SCAPER: variants seen among roughly 807,000 people sequenced by gnomAD.
SCAPER encodes S-phase cyclin A associated protein in the ER.
In SCAPER, 98 loss-of-function variants were observed where a neutral mutation model predicts 182.2. The ratio of observed to expected loss-of-function variants is 0.54; its 90% CI spans 0.46 to 0.64. The LOEUF (loss-of-function observed/expected upper bound fraction) is 0.64. SCAPER is among the 30% of genes least tolerant of loss of function. The pLI, the probability that SCAPER is intolerant of heterozygous loss-of-function variation, is 0.00. For missense variants in SCAPER, 1,432 were observed against 1,690.0 expected, an observed-to-expected ratio of 0.85 and a Z score of 2.68; for synonymous variants, 605 against 564.6, an observed-to-expected ratio of 1.07 and a Z score of -1.01.
intron 5 of SCAPER, among the ~76,000 whole-genome samples, chr15:76,819,562 C>A (rs2067354630): frequency 6.6e-6 from 1 of 152,190 alleles, no homozygotes; most frequent in Admixed American, 6.5e-5. Context: ...ACAGAAAGGA[C>A]ATCCACATCA....
intron 20 of SCAPER, among the ~76,000 whole-genome samples, chr15:76,699,999 C>G (rs2058851798): frequency 6.6e-6 from 1 of 152,178 alleles, no homozygotes; most frequent in Non-Finnish European, 1.5e-5. Flanking sequence ...AGGGGCCCAT[C>G]CACAGAAGCT....
At position 76,665,625 on chromosome 15, in the gene SCAPER, C is replaced by G. The variant is rs372963054; in HGVS notation, c.2645+28G>C. 259 of 1,555,374 alleles carry G rather than the reference C, an allele frequency of 1.7e-4. 1 individual carries two copies. Among genetic ancestry groups the G allele is most frequent in the Non-Finnish European group, 2.0e-4 (230 of 1,159,166 alleles). ...AAAAGATACATCACTAAAAGTTTTTCTTTTGCTTTTAAGGGTATTTAAGGT... is the reference window on the plus strand; with the variant it reads ...AAAAGATACATCACTAAAAGTTTTTGTTTTGCTTTTAAGGGTATTTAAGGT... On this transcript the variant is annotated intron_variant, in intron 21 of 31. Transcript: ENST00000563290.
intron 5 of SCAPER, among the ~76,000 whole-genome samples, chr15:76,824,558 C>T (rs1598938209): frequency 6.6e-6 from 1 of 152,046 alleles, no homozygotes; most frequent in East Asian, 1.9e-4. Flanking sequence ...AAAATGAAAA[C>T]GAGTTTCTTA....
intron 26 of SCAPER, among the ~76,000 whole-genome samples, chr15:76,429,418 G>C (rs1330754705): frequency 6.6e-5 from 10 of 152,150 alleles, no homozygotes; most frequent in African/African-American, 2.2e-4. Flanking sequence ...GGAAAGTTTG[G>C]AACTTCTTAA....
chr15:76,544,576 C>T (rs750876590), intron 23 of SCAPER, among the ~76,000 whole-genome samples: 7 of 152,032 alleles, frequency 4.6e-5, no homozygotes, highest in Non-Finnish European at 7.4e-5. Context: ...GACCACATAT[C>T]GAATAATTTT....
chr15:76,458,665 C>T, intron 25 of SCAPER, among the ~76,000 whole-genome samples: 1 of 152,110 alleles, frequency 6.6e-6, no homozygotes. Flanking sequence ...TTTCTAGGTG[C>T]TGGGAACATT....
intron 21 of SCAPER, among the ~76,000 whole-genome samples, chr15:76,641,684 G>A (rs564459040): frequency 6.6e-6 from 1 of 152,202 alleles, no homozygotes; most frequent in South Asian, 2.1e-4. Context: ...CACCCAGCAG[G>A]AACAAGAAAA....
At chr15:76,564,011 T>C (rs887999776) in intron 23 of SCAPER, among the ~76,000 whole-genome samples, 1 of 152,126 alleles carries the variant, frequency 6.6e-6, no homozygotes, top group African/African-American at 2.4e-5. Flanking sequence ...TAAAATAACA[T>C]ACCTCAAAAT....
At chr15:76,580,437 G>A (rs891307571) in intron 22 of SCAPER, among the ~76,000 whole-genome samples, 2 of 152,102 alleles carry the variant, frequency 1.3e-5, no homozygotes, top group Admixed American at 1.3e-4. Context: ...TAATGAAGAA[G>A]TTGAGAAAAA....
intron 22 of SCAPER, among the ~76,000 whole-genome samples, chr15:76,605,858 T>C (rs1030696624): frequency 2.1e-4 from 32 of 152,344 alleles, no homozygotes; most frequent in South Asian, 1.0e-3. Flanking sequence ...TTCTGTGGGA[T>C]AGGTGGTGAT....
chr15:76,471,550 T>A (rs2050169567), intron 24 of SCAPER, among the ~76,000 whole-genome samples: 3 of 152,332 alleles, frequency 2.0e-5, no homozygotes, highest in South Asian at 4.1e-4. Context: ...ACCTAATAAC[T>A]CTTACTAATT....
At chr15:76,777,576 C>A (rs1249335096) in intron 8 of SCAPER, among the ~76,000 whole-genome samples, 2 of 152,070 alleles carry the variant, frequency 1.3e-5, no homozygotes, top group African/African-American at 4.8e-5. Flanking sequence ...TGCCTGTAAT[C>A]CGAGCTACTT....
At chr15:76,827,363 C>T (rs994894559) in intron 5 of SCAPER, among the ~76,000 whole-genome samples, 2 of 152,150 alleles carry the variant, frequency 1.3e-5, no homozygotes, top group African/African-American at 4.8e-5. Flanking sequence ...GAGGACTCAG[C>T]TTTCTCAAGC....
chr15:76,622,654 C>T (rs560419568), intron 21 of SCAPER, among the ~76,000 whole-genome samples: 2 of 152,084 alleles, frequency 1.3e-5, no homozygotes, highest in African/African-American at 4.8e-5. Context: ...TGTCAAAATG[C>T]AGAAATAACT....
intron 5 of SCAPER, among the ~76,000 whole-genome samples, chr15:76,829,441 G>A (rs1251753857): frequency 6.6e-6 from 1 of 152,116 alleles, no homozygotes; most frequent in Admixed American, 6.5e-5. Flanking sequence ...TATCTATAGA[G>A]AATCCATGTT....
intron 8 of SCAPER, among the ~76,000 whole-genome samples, chr15:76,792,307 T>A (rs551848160): frequency 6.6e-6 from 1 of 152,142 alleles, no homozygotes; most frequent in South Asian, 2.1e-4. Context: ...CTGATATAGA[T>A]CATGAGATAC....
At chr15:76,399,852 A>C (rs2044332191) in intron 27 of SCAPER, among the ~76,000 whole-genome samples, 1 of 152,078 alleles carries the variant, frequency 6.6e-6, no homozygotes, top group Non-Finnish European at 1.5e-5. Context: ...TAAAAATACA[A>C]AAATTAGCCA....
chr15:76,650,421 A>C (rs2054931052), intron 21 of SCAPER, among the ~76,000 whole-genome samples: 1 of 152,020 alleles, frequency 6.6e-6, no homozygotes, highest in Non-Finnish European at 1.5e-5. Flanking sequence ...AGAAGAAGAT[A>C]TGAAGAAGGA....
At chr15:76,522,975 T>C (rs2042938693) in intron 23 of SCAPER, among the ~76,000 whole-genome samples, 1 of 152,068 alleles carries the variant, frequency 6.6e-6, no homozygotes, top group Non-Finnish European at 1.5e-5. Context: ...GGGAATTCTA[T>C]TCTGAAAAAT....
Sources: allele counts gnomAD v4.1 joint callset (sites outside exome capture counted in the v4.1 genomes callset), GRCh38; gene constraint gnomAD v4.1.1; transcripts MANE v1.5; gene names NCBI Gene and HGNC (gene_info 2026-07-23, HGNC 2026-07-21).